NELL2: variants seen among roughly 807,000 people sequenced by gnomAD.
The protein encoded by NELL2 is neural EGFL like 2.
Under a neutral mutation model 109.6 loss-of-function variants are expected in NELL2, and 41 were observed. That is an observed-to-expected ratio of 0.37 (90% CI 0.29 to 0.49). The LOEUF is 0.49. Ranked by LOEUF, NELL2 falls within the 20% of genes least tolerant of loss-of-function variation. The probability of loss-of-function intolerance (pLI) is 0.98; values close to 1 mark genes in which losing one functional copy is unlikely to be tolerated. For missense variants in NELL2, 900 were observed against 1,008.3 expected, an observed-to-expected ratio of 0.89 and a Z score of 1.45; for synonymous variants, 355 against 344.7, an observed-to-expected ratio of 1.03 and a Z score of -0.33.
intron 15 of NELL2, among the ~76,000 whole-genome samples, chr12:44,541,000 C>A (rs192759356): frequency 6.4e-4 from 97 of 151,532 alleles, no homozygotes; most frequent in African/African-American, 2.1e-3. Context: ...AATCCCAACG[C>A]TTTGGGAGGC....
chr12:44,530,315 A>G (rs1194475908), intron 16 of NELL2, among the ~76,000 whole-genome samples: 3 of 152,242 alleles, frequency 2.0e-5, no homozygotes, highest in Non-Finnish European at 4.4e-5. Flanking sequence ...AGGAAGCAGT[A>G]TTGACAGAGA....
At chr12:44,805,451 T>C (rs1191849453) in intron 3 of NELL2, among the ~76,000 whole-genome samples, 1 of 151,736 alleles carries the variant, frequency 6.6e-6, no homozygotes, top group Non-Finnish European at 1.5e-5. Context: ...TTGATGGAGA[T>C]TTGAGGTGAC....
At chr12:44,643,506 A>G (rs2136303568) in intron 13 of NELL2, among the ~76,000 whole-genome samples, 1 of 152,316 alleles carries the variant, frequency 6.6e-6, no homozygotes, top group Non-Finnish European at 1.5e-5. Context: ...AAGGGAAAAA[A>G]AAGATAAAAT....
At chr12:44,648,883 A>C (rs1285822998) in intron 13 of NELL2, among the ~76,000 whole-genome samples, 6 of 140,920 alleles carry the variant, frequency 4.3e-5, no homozygotes. Context: ...TTACAGGCGC[A>C]TGCCACCACG....
chr12:44,760,886 A>G (rs963813878), intron 9 of NELL2, among the ~76,000 whole-genome samples: 2 of 152,202 alleles, frequency 1.3e-5, no homozygotes, highest in Non-Finnish European at 2.9e-5. Flanking sequence ...AAAGACTAAA[A>G]GAATCAATTA....
intron 2 of NELL2, among the ~76,000 whole-genome samples, chr12:44,863,482 G>A (rs542971112): frequency 9.9e-5 from 15 of 151,750 alleles, no homozygotes; most frequent in Non-Finnish European, 2.1e-4. Context: ...TCTTACAGAC[G>A]AGGAGAGAGC....
intron 3 of NELL2, among the ~76,000 whole-genome samples, chr12:44,804,037 G>A (rs946521475): frequency 4.0e-5 from 6 of 151,880 alleles, no homozygotes; most frequent in Admixed American, 6.6e-5. Context: ...CTCAAAACAT[G>A]TAATATCTTA....
intron 10 of NELL2, among the ~76,000 whole-genome samples, chr12:44,713,685 T>C (rs2136439931): frequency 6.6e-6 from 1 of 152,018 alleles, no homozygotes; most frequent in South Asian, 2.1e-4. Flanking sequence ...TGTCACAGTC[T>C]TGCCTCTTTG....
At chr12:44,775,127 G>A (rs7295947) in intron 8 of NELL2, among the ~76,000 whole-genome samples, 34,972 of 151,938 alleles carry the variant, frequency 0.23, 4,252 homozygotes, top group South Asian at 0.28. Flanking sequence ...ACCACATTCC[G>A]TCTTCTACTC....
intron 13 of NELL2, among the ~76,000 whole-genome samples, chr12:44,622,724 G>A (rs190039295): frequency 1.8e-3 from 275 of 152,164 alleles, no homozygotes; most frequent in Admixed American, 4.4e-3. Context: ...ATAGAAAATA[G>A]AATGATTCCT....
At chr12:44,639,443 G>T (rs572425135) in intron 13 of NELL2, among the ~76,000 whole-genome samples, 197 of 152,236 alleles carry the variant, frequency 1.3e-3, no homozygotes, top group African/African-American at 4.6e-3. Context: ...GCTAAGCTGG[G>T]CTACTTGTTA....
At chr12:44,772,693 T>C (rs1413649461) in intron 9 of NELL2, among the ~76,000 whole-genome samples, 1 of 152,162 alleles carries the variant, frequency 6.6e-6, no homozygotes, top group African/African-American at 2.4e-5. Context: ...TCCTCTCTAT[T>C]CCATGGTACT....
At chr12:44,595,687 C>G (rs995869662) in intron 15 of NELL2, among the ~76,000 whole-genome samples, 44 of 151,594 alleles carry the variant, frequency 2.9e-4, no homozygotes, top group African/African-American at 9.9e-4. Flanking sequence ...ATGATCTGCC[C>G]GCCTCGGCCT....
At chr12:44,883,324 C>T (rs1369356204) in intron 1 of NELL2, among the ~76,000 whole-genome samples, 1 of 151,990 alleles carries the variant, frequency 6.6e-6, no homozygotes, top group Non-Finnish European at 1.5e-5. Flanking sequence ...ATTGCCCCCT[C>T]CTTCAATCTT....
chr12:44,656,088 C>CAGA (rs998797856), intron 13 of NELL2, among the ~76,000 whole-genome samples: 2 of 152,176 alleles, frequency 1.3e-5, no homozygotes, highest in African/African-American at 4.8e-5. Flanking sequence ...TAAATTCACA[C>CAGA]AGAAGCAGCC....
At chr12:44,873,712 G>A (rs1227484013) in intron 2 of NELL2, among the ~76,000 whole-genome samples, 2 of 145,530 alleles carry the variant, frequency 1.4e-5, no homozygotes, top group Non-Finnish European at 3.0e-5. Flanking sequence ...AAAAATCAGA[G>A]ATAAAAACAA....
chr12:44,776,213 A>G, intron 7 of NELL2, 63 bp from the exon 8 acceptor site: 1 of 1,577,936 alleles, frequency 6.3e-7, no homozygotes, highest in Non-Finnish European at 8.6e-7. Context: ...AATGTGAAAC[A>G]CTCCGCAGGT....
chr12:44,559,624 G>A (rs113571915), intron 15 of NELL2, among the ~76,000 whole-genome samples: 12,189 of 152,182 alleles, frequency 0.08, 589 homozygotes, highest in African/African-American at 0.14. Context: ...AACAAGAAGA[G>A]CTACCTATCC....
intron 1 of NELL2, among the ~76,000 whole-genome samples, chr12:44,906,663 C>T (rs562398417): frequency 7.9e-5 from 12 of 151,858 alleles, no homozygotes; most frequent in South Asian, 4.2e-4. Context: ...AATAACTTAA[C>T]GAACAAAATT....
Sources: allele counts gnomAD v4.1 joint callset (sites outside exome capture counted in the v4.1 genomes callset), GRCh38; gene constraint gnomAD v4.1.1; transcripts MANE v1.5; gene names NCBI Gene and HGNC (gene_info 2026-07-23, HGNC 2026-07-21).